TMEM123: variants seen among roughly 807,000 people sequenced by gnomAD.
TMEM123 encodes porimin.
A neutral mutation model predicts 19.7 loss-of-function variants in TMEM123; 16 were observed. The observed-to-expected ratio is 0.81, with a 90% CI of 0.55 to 1.23. The LOEUF (loss-of-function observed/expected upper bound fraction) is 1.23. Ranked by LOEUF, TMEM123 falls within the 50% of genes most tolerant of loss-of-function variation. The pLI is 0.00. For synonymous variants in TMEM123, 118 were observed against 99.4 expected (o/e 1.19, Z -1.12); for missense variants, 313 against 257.8 (o/e 1.21, Z -1.47).
chr11:102,418,939 ATAAG>A, intron 2 of TMEM123, among the ~76,000 whole-genome samples: 1 of 152,344 alleles, frequency 6.6e-6, no homozygotes, highest in South Asian at 2.1e-4. Context: ...GTTCTCAATT[ATAAG>A]TGAGAGCTAA....
intron 2 of TMEM123, among the ~76,000 whole-genome samples, chr11:102,442,034 G>A (rs1857832092): frequency 6.6e-6 from 1 of 152,130 alleles, no homozygotes; most frequent in East Asian, 1.9e-4. Context: ...ACCAATATCA[G>A]GCTCTGAAAT....
At chr11:102,444,784 G>T (rs1048780469) in intron 2 of TMEM123, among the ~76,000 whole-genome samples, 1 of 151,884 alleles carries the variant, frequency 6.6e-6, no homozygotes, top group Non-Finnish European at 1.5e-5. Context: ...GTCCATCAAT[G>T]ATAGACTGGA....
rs186334722 is a variant in TMEM123 at position 102,445,327 on chromosome 11, C to T, written c.157+3485G>A. Among the ~76,000 whole-genome samples the T allele has an allele frequency of 6.6e-3, 975 of 148,448 alleles. 16 individuals are homozygous for T. Among genetic ancestry groups the T allele is most frequent in the African/African-American group, 0.022 (922 of 41,308 alleles). On this transcript the variant is annotated intron_variant, in intron 2 of 4. Coordinates refer to ENST00000398136, the MANE Select transcript of TMEM123 (RefSeq NM_052932.3). ...TCTAGTTAAAAACTAGTATTGATAT[C>T]TCTATGTCTCTCTGTGTATCTATCA...
At chr11:102,445,013 C>CT (rs1857867828) in intron 2 of TMEM123, among the ~76,000 whole-genome samples, 1 of 147,750 alleles carries the variant, frequency 6.8e-6, no homozygotes, top group South Asian at 2.2e-4. Context: ...ACACCAGGGC[C>CT]TGTCGTGGGG....
At chr11:102,438,286 A>C (rs1332724507) in intron 2 of TMEM123, among the ~76,000 whole-genome samples, 1 of 152,044 alleles carries the variant, frequency 6.6e-6, no homozygotes, top group African/African-American at 2.4e-5. Flanking sequence ...TCCTGACCTC[A>C]AGTGATCTGC....
intron 2 of TMEM123, among the ~76,000 whole-genome samples, chr11:102,408,168 T>C (rs971819041): frequency 1.3e-5 from 2 of 152,118 alleles, no homozygotes; most frequent in African/African-American, 4.8e-5. Flanking sequence ...ACAGGAAAAA[T>C]GAAGCAAAGG....
intron 4 of TMEM123, among the ~76,000 whole-genome samples, chr11:102,399,235 G>A (rs1025368781): frequency 6.6e-6 from 1 of 152,198 alleles, no homozygotes; most frequent in Admixed American, 6.5e-5. Context: ...CTTGAGCCCA[G>A]GAGTTTGAGA....
intron 2 of TMEM123, among the ~76,000 whole-genome samples, chr11:102,405,506 A>G (rs758977356): frequency 2.6e-5 from 4 of 152,278 alleles, no homozygotes; most frequent in African/African-American, 7.2e-5. Flanking sequence ...CTATAGAGAT[A>G]TAAGTAATAG....
chr11:102,404,720 C>CTAAG (rs1443508423), intron 2 of TMEM123, among the ~76,000 whole-genome samples: 1 of 152,154 alleles, frequency 6.6e-6, no homozygotes, highest in East Asian at 1.9e-4. Flanking sequence ...CTGCCTCAGC[C>CTAAG]TCCTTAGTAG....
chr11:102,424,554 T>C (rs1952110848), intron 2 of TMEM123, among the ~76,000 whole-genome samples: 1 of 152,098 alleles, frequency 6.6e-6, no homozygotes, highest in Non-Finnish European at 1.5e-5. Flanking sequence ...CCAGGCGTGG[T>C]GGCGCACACC....
At chr11:102,448,215 A>T (rs1857903436) in intron 2 of TMEM123, 1 of 456,000 alleles carries the variant, frequency 2.2e-6, no homozygotes, top group African/African-American at 2.0e-5. Context: ...ATAACTTAAA[A>T]ATTGTTTACA....
Position 102,452,751 on chromosome 11 carries a change from G to T in TMEM123, c.-128C>A. The T allele has an allele frequency of 1.5e-6, 1 of 682,036 alleles. No homozygotes were observed. The highest frequency in any genetic ancestry group is 2.1e-6 in the Non-Finnish European group (1 of 472,928). 42.2% of individuals were successfully genotyped at this position (682,036 alleles called of 1,614,324 possible). ...GGCCGCGCACGTTTCCCCTCCCGCC[G>T]CTTGCCCCCCGAATGACCAAATAGG... is the stretch of plus-strand genomic sequence containing the variant. On this transcript the variant is annotated 5_prime_UTR_variant, in exon 1 of 5. Coordinates refer to ENST00000398136, the MANE Select transcript of TMEM123 (RefSeq NM_052932.3).
At chr11:102,429,806 C>A (rs2135856923) in intron 2 of TMEM123, among the ~76,000 whole-genome samples, 1 of 152,350 alleles carries the variant, frequency 6.6e-6, no homozygotes, top group Middle Eastern at 3.4e-3. Context: ...ACTGCTCCAC[C>A]ATCACTAAAG....
intron 2 of TMEM123, among the ~76,000 whole-genome samples, chr11:102,446,007 T>C (rs544159306): frequency 4.6e-5 from 7 of 152,320 alleles, no homozygotes; most frequent in African/African-American, 1.4e-4. Context: ...GAGCTTCAGA[T>C]TGGATGATGG....
Position 102,404,186 on chromosome 11 carries a change from G to A in TMEM123, c.158-1980C>T, listed in dbSNP as rs193091426. 1.4e-4 allele frequency among the ~76,000 whole-genome samples: 22 copies of A among 152,178 alleles called. No individual in the cohort carries two copies. In the East Asian group the frequency reaches 2.9e-3, roughly 20 times the overall value. On this transcript the variant is annotated intron_variant, in intron 2 of 4. Coordinates refer to ENST00000398136, the MANE Select transcript of TMEM123 (RefSeq NM_052932.3). Reference sequence around the variant, plus strand: ...ACCAATGCCTTAGGTTCCTTGCCCCGCCACTGTTGTCAAGTACCAAAAGTG... The same window carrying A: ...ACCAATGCCTTAGGTTCCTTGCCCCACCACTGTTGTCAAGTACCAAAAGTG...
chr11:102,430,608 G>C (rs913012524), intron 2 of TMEM123, among the ~76,000 whole-genome samples: 1 of 152,182 alleles, frequency 6.6e-6, no homozygotes, highest in Non-Finnish European at 1.5e-5. Flanking sequence ...AACATGCAAA[G>C]GTCTCATGGC....
At chr11:102,435,957 G>A (rs572631962) in intron 2 of TMEM123, among the ~76,000 whole-genome samples, 6 of 151,726 alleles carry the variant, frequency 4.0e-5, no homozygotes, top group African/African-American at 1.4e-4. Flanking sequence ...CTGTGGTGAT[G>A]GTTAAACATA....
Position 102,432,923 on chromosome 11 carries a change from T to A in TMEM123, c.157+15889A>T, listed in dbSNP as rs1857727462. Among the ~76,000 whole-genome samples the A allele has an allele frequency of 6.8e-5, 10 of 147,630 alleles. No individual in the cohort carries two copies. In the Admixed American group the frequency reaches 6.8e-4, roughly 10 times the overall value. ...AGGCCTTGGTGGTTTCCATGTAGTG[T>A]TGAGCCTGTGGGTGCACAGAAGTCA... On this transcript the variant is annotated intron_variant, in intron 2 of 4. Coordinates refer to ENST00000398136, the MANE Select transcript of TMEM123 (RefSeq NM_052932.3).
intron 2 of TMEM123, among the ~76,000 whole-genome samples, chr11:102,404,185 C>T (rs1414052777): frequency 6.6e-6 from 1 of 152,136 alleles, no homozygotes. Flanking sequence ...TTCCTTGCCC[C>T]GCCACTGTTG....
Sources: gnomAD v4.1 joint callset for allele counts (sites outside exome capture counted in the v4.1 genomes callset) on GRCh38, gnomAD v4.1.1 for gene constraint, MANE v1.5 for transcripts, NCBI Gene and HGNC (gene_info 2026-07-23, HGNC 2026-07-21) for gene names.